Variants in ARFGAP2 observed in about 807,000 individuals in gnomAD.
ARFGAP2 encodes ADP-ribosylation factor GTPase-activating protein 2.
A neutral mutation model predicts 71.9 loss-of-function variants in ARFGAP2; 45 were observed. The observed-to-expected ratio is 0.63, with a 90% confidence interval of 0.49 to 0.80. ARFGAP2 has a LOEUF of 0.80. Among genes scored for constraint, ARFGAP2 ranks in the 30% least tolerant of loss-of-function variants. The pLI, the probability that ARFGAP2 is intolerant of heterozygous loss-of-function variation, is 0.00. For missense variants in ARFGAP2, 633 were observed against 673.9 expected (o/e 0.94, Z 0.67); for synonymous variants, 248 against 249.2 (o/e 1.00, Z 0.05).
chr11:47,176,392 C>A, intron 2 of ARFGAP2, 124 bp downstream of exon 2: 1 of 940,902 alleles, frequency 1.1e-6, no homozygotes, highest in Non-Finnish European at 1.7e-6. Context: ...GCTACCGGAC[C>A]CTCTCGGCCC....
At position 47,176,846 on chromosome 11, in the gene ARFGAP2, G is replaced by A. The variant is rs1234341177; in HGVS notation, c.8C>T (p.Ala3Val). ...CTGGATTTCGGTCTTGTTCGGCTCC[G>A]CCGCCATTTTCTCTCCTTCCCAGAC... MA[A>V]EPNKTEIQTL... The change falls in exon 1 of 16, where the codon GCG becomes GTG. Residue 3 changes from alanine (A) to valine (V), a missense_variant. Physicochemically the swap from Ala to Val is moderately conservative, Grantham distance 64 (BLOSUM62 0). Transcript: ENST00000524782. The A allele has an allele frequency of 4.3e-6, 7 of 1,613,332 alleles. 1 individual carries two copies. The South Asian group carries it at 4.4e-5, about 10-fold the overall frequency.
chr11:47,168,260 C>G lies in ARFGAP2; in HGVS notation c.942-9G>C. 1 of 1,613,948 alleles carries G rather than the reference C, an allele frequency of 6.2e-7. No individual in the cohort carries two copies. Among genetic ancestry groups the G allele is most frequent in the South Asian group, 1.1e-5 (1 of 91,046 alleles). On this transcript the variant is annotated splice_polypyrimidine_tract_variant and intron_variant, in intron 10 of 15. Coordinates refer to ENST00000524782, the MANE Select transcript of ARFGAP2 (RefSeq NM_032389.6). ...CGGAGTGGGAGACAGAGCTGCGCAG[C>G]AAAGCAGAGCCAGGCATGAGACCAA...
chr11:47,172,400 C>A (rs1952641325), intron 7 of ARFGAP2, 67 bp from the exon 8 acceptor site: 2 of 1,545,908 alleles, frequency 1.3e-6, no homozygotes, highest in African/African-American at 1.4e-5. Context: ...TCAGTATACA[C>A]CATGCAGCTT....
chr11:47,173,279 C>T, intron 7 of ARFGAP2, 147 bp downstream of exon 7: 1 of 957,720 alleles, frequency 1.0e-6, no homozygotes, highest in Middle Eastern at 2.1e-4. Flanking sequence ...TCCACTATTT[C>T]AATCACAGTC....
At position 47,171,714 on chromosome 11, in the gene ARFGAP2, C is replaced by G. The variant is rs1590954596; in HGVS notation, c.759G>C (p.Lys253Asn). Residue 253 changes from lysine (K) to asparagine (N), a missense_variant, in exon 9 of 16, where the codon AAG becomes AAC. Lys to Asn is a moderately conservative substitution (Grantham distance 94). Transcript: ENST00000524782. The stretch of plus-strand genomic sequence containing the variant: ...CATCGGCTGCCTGCTGCTCACGGAG[C>G]TTCTCTGCCACCTGAGCCTGCCGCT... ...EIERQAQVAE[K>N]LREQQAADAK... 6.2e-7 allele frequency: 1 copy of G among 1,613,924 alleles called. No homozygotes were observed. The highest frequency in any genetic ancestry group is 8.5e-7 in the Non-Finnish European group (1 of 1,180,048).
At chr11:47,173,342 C>A (rs1402627657) in intron 7 of ARFGAP2, 84 bp downstream of exon 7, 2 of 1,473,062 alleles carry the variant, frequency 1.4e-6, no homozygotes. Context: ...TCTGTCCACA[C>A]GGCCAGGCAG....
At chr11:47,171,935 G>A (rs1952616504) in intron 8 of ARFGAP2, 135 bp from the exon 9 acceptor site, 2 of 1,290,500 alleles carry the variant, frequency 1.5e-6, no homozygotes, top group Non-Finnish European at 2.1e-6. Flanking sequence ...AGCCCAACCA[G>A]CATGGCCAAG....
chr11:47,171,474 T>G lies in ARFGAP2; in HGVS notation c.893A>C (p.Lys298Thr), dbSNP rs756564398. The G allele has an allele frequency of 7.4e-6, 12 of 1,614,128 alleles. No homozygotes were observed. Among genetic ancestry groups the G allele is most frequent in the Non-Finnish European group, 1.0e-5 (12 of 1,180,060 alleles). ...CAACCTTTCTGCCTGCTCTCGCTTC[T>G]TCCCTTCCAGATTCTGTAGCTTCTT... ...EEKKLQNLEG[K>T]KREQAERLGM... The change falls in exon 10 of 16, where the codon AAG becomes ACG. Residue 298 changes from lysine to threonine, a missense_variant. Lys to Thr is a moderately conservative substitution (Grantham distance 78, BLOSUM62 -1). Transcript: ENST00000524782.
intron 8 of ARFGAP2, 88 bp from the exon 9 acceptor site, chr11:47,171,888 G>A (rs1952615075): frequency 1.3e-6 from 2 of 1,532,406 alleles, no homozygotes; most frequent in Admixed American, 4.0e-5. Context: ...CACCCACAAG[G>A]AAAAGGCCCT....
chr11:47,175,960 A>T (rs751426845), intron 2 of ARFGAP2, 37 bp from the exon 3 acceptor site: 2 of 1,609,116 alleles, frequency 1.2e-6, no homozygotes, highest in African/African-American at 2.7e-5. Context: ...ACTAGCAGAT[A>T]CCAGCAGGAT....
rs1265629198 is a variant in ARFGAP2, at chr11:47,173,435, C to A, written c.610G>T (p.Ala204Ser). Reference sequence around the variant, plus strand: ...CCGCTGGCATACTGACCCAGTGAGGCTTTGGGTGAGGTGCCAAGCAGGTCT... The same window carrying A: ...CCGCTGGCATACTGACCCAGTGAGGATTTGGGTGAGGTGCCAAGCAGGTCT... Reference protein sequence around the residue: ...NTDLLGTSPKASLELKSSIIG... With the variant: ...NTDLLGTSPKSSLELKSSIIG... The change falls in exon 7 of 16, where the codon GCC (alanine) becomes TCC (serine). Residue 204 changes from alanine (A) to serine (S), a missense_variant. Ala to Ser is a moderately conservative substitution (Grantham distance 99). Transcript: ENST00000524782. The A allele has an allele frequency of 6.4e-7, 1 of 1,556,192 alleles. No homozygotes were observed. Among genetic ancestry groups the A allele is most frequent in the Non-Finnish European group, 8.7e-7 (1 of 1,149,606 alleles).
intron 3 of ARFGAP2, 65 bp from the exon 4 acceptor site, chr11:47,175,378 G>T: frequency 6.2e-7 from 1 of 1,609,374 alleles, no homozygotes; most frequent in Non-Finnish European, 8.5e-7. Context: ...CGTGTTGGCT[G>T]TAGGAGACAT....
Position 47,173,802 on chromosome 11 carries a change from C to G in ARFGAP2, c.519G>C (p.Gly173=). 1 of 1,606,090 alleles carries G rather than the reference C, an allele frequency of 6.2e-7. No individual in the cohort carries two copies. The highest frequency in any genetic ancestry group is 1.1e-5 in the South Asian group (1 of 89,314). The change falls in exon 6 of 16, where the codon GGG becomes GGC. Residue 173 remains glycine (G), a synonymous_variant. Transcript: ENST00000524782. ...CTGTAGACGGGGCTGGCTGCTGGGT[C>G]CCTGAAGGCTCAGTGGCTGGCGCAT... ...AWDAPATEPS[G]TQQPAPSTES...
In ARFGAP2 at chr11:47,166,345, C is replaced by A; in HGVS notation, c.1468G>T (p.Ala490Ser). Reference protein sequence around the residue: ...LGNVLPTADIAQFKQGVKSVA... With the variant: ...LGNVLPTADISQFKQGVKSVA... ...GACTTGACACCCTGCTTAAACTGGG[C>A]AATGTCCGCTGTAGGCAGCACGTTC... is the stretch of plus-strand genomic sequence containing the variant. The change falls in exon 15 of 16, where the codon GCC (alanine) becomes TCC (serine). Residue 490 changes from alanine (A) to serine (S), a missense_variant. Transcript: ENST00000524782. 2 of 1,614,242 alleles carry A rather than the reference C, an allele frequency of 1.2e-6. No individual in the cohort carries two copies. The highest frequency in any genetic ancestry group is 1.7e-6 in the Non-Finnish European group (2 of 1,180,050).
At chr11:47,169,799 C>T (rs1354488657) in intron 10 of ARFGAP2, among the ~76,000 whole-genome samples, 1 of 152,106 alleles carries the variant, frequency 6.6e-6, no homozygotes, top group Non-Finnish European at 1.5e-5. Flanking sequence ...GCACTCCAGC[C>T]TAGGCAACGA....
intron 14 of ARFGAP2, 59 bp from the exon 15 acceptor site, chr11:47,166,445 A>G: frequency 6.2e-7 from 1 of 1,611,636 alleles, no homozygotes; most frequent in Non-Finnish European, 8.5e-7. Context: ...CAGTCACAGC[A>G]GGGCCCTCCC....
intron 3 of ARFGAP2, 172 bp from the exon 4 acceptor site, chr11:47,175,485 C>A (rs1364771842): frequency 9.7e-7 from 1 of 1,032,366 alleles, no homozygotes; most frequent in Non-Finnish European, 1.4e-6. Context: ...CTGCAAAAAA[C>A]ACCTTGCAGC....
intron 12 of ARFGAP2, 152 bp downstream of exon 12, chr11:47,167,757 A>T: frequency 9.9e-7 from 1 of 1,006,710 alleles, no homozygotes; most frequent in Non-Finnish European, 1.4e-6. Flanking sequence ...AAGGGCTCAT[A>T]GCCACATAGT....
In ARFGAP2 at chr11:47,176,765, G is replaced by A. The variant is rs766571230; in HGVS notation, c.72+17C>T. The A allele has an allele frequency of 5.0e-6, 8 of 1,613,716 alleles. No homozygotes were observed. Among genetic ancestry groups the A allele is most frequent in the Middle Eastern group, 1.6e-4 (1 of 6,084 alleles). Reference sequence around the variant, plus strand: ...CCCAGCGGGACGAGAGACTCCGCGCGCCCCCTGCTCACGCACCTTGTTGGT... The same window carrying A: ...CCCAGCGGGACGAGAGACTCCGCGCACCCCCTGCTCACGCACCTTGTTGGT... On this transcript the variant is annotated intron_variant, in intron 1 of 15. Coordinates refer to ENST00000524782, the MANE Select transcript of ARFGAP2 (RefSeq NM_032389.6).
Sources: gnomAD v4.1 joint callset for allele counts (sites outside exome capture counted in the v4.1 genomes callset) on GRCh38, gnomAD v4.1.1 for gene constraint, MANE v1.5 for transcripts, NCBI Gene and HGNC (gene_info 2026-07-23, HGNC 2026-07-21) for gene names.